PCDHGB3: variants seen among roughly 807,000 people sequenced by gnomAD.
PCDHGB3 encodes the protein protocadherin gamma subfamily B, 3.
A neutral mutation model predicts 59.2 loss-of-function variants in PCDHGB3; 40 were observed. That is an observed-to-expected ratio of 0.68 (90% confidence interval 0.52 to 0.88). The LOEUF (loss-of-function observed/expected upper bound fraction) is 0.88, where lower values mean the gene tolerates loss of function less well. PCDHGB3 is among the 40% of genes least tolerant of loss of function. The pLI, the probability that PCDHGB3 is intolerant of heterozygous loss-of-function variation, is 0.00. For missense variants in PCDHGB3, 1,309 were observed against 1,187.9 expected, an observed-to-expected ratio of 1.10 and a Z score of -1.50; for synonymous variants, 581 against 503.6, an observed-to-expected ratio of 1.15 and a Z score of -2.06.
chr5:141,374,191 C>G lies in PCDHGB3; in HGVS notation c.2415+1382C>G, dbSNP rs780279453. On this transcript the variant is annotated intron_variant, in intron 1 of 3. Coordinates refer to ENST00000576222, the MANE Select transcript of PCDHGB3 (RefSeq NM_018924.5). ...CAGCGCAGATCCGCTACTCTATTCC[C>G]GAGGAGCTGGAGAAAGGCTCCTTCG... The G allele has an allele frequency of 6.2e-6, 10 of 1,613,664 alleles. No homozygotes were observed. In the Admixed American group the frequency reaches 1.5e-4, roughly 24 times the overall value.
At position 141,493,412 on chromosome 5, in the gene PCDHGB3, G is replaced by A. The variant is rs1288041038; in HGVS notation, c.2416-1395G>A. Among the ~76,000 whole-genome samples, 3 of 152,114 alleles carry A rather than the reference G, an allele frequency of 2.0e-5. No individual in the cohort carries two copies. The highest frequency in any genetic ancestry group is 4.4e-5 in the Non-Finnish European group (3 of 68,024). On this transcript the variant is annotated intron_variant, in intron 1 of 3. Coordinates refer to ENST00000576222, the MANE Select transcript of PCDHGB3 (RefSeq NM_018924.5). This position sits in a 1 kb window ranked among gnomAD's most constrained non-coding sequence, Gnocchi z 4.3. ...CAGGAGAGGGGAGTTGCCTCTGCTG[G>A]GATTTTGCTTCTGCTGGGATGGGGC...
intron 1 of PCDHGB3, chr5:141,423,369 A>C: frequency 1.9e-6 from 3 of 1,614,104 alleles, no homozygotes; most frequent in Non-Finnish European, 2.5e-6. Flanking sequence ...TGCTGCTGGC[A>C]CTCAGGCTGT....
At chr5:141,404,102 T>C (rs1288980459) in intron 1 of PCDHGB3, 16 of 1,613,462 alleles carry the variant, frequency 9.9e-6, no homozygotes, top group Non-Finnish European at 8.5e-7. Context: ...TCAAGTTGTC[T>C]GTTCTATCCA....
chr5:141,373,916 A>C (rs1769959777), intron 1 of PCDHGB3: 2 of 648,756 alleles, frequency 3.1e-6, no homozygotes, highest in African/African-American at 3.7e-5. Flanking sequence ...ACAACAAAGC[A>C]AATTAGACGG....
chr5:141,381,826 C>CTTTTTTTTTTTTTTTTTTTTTTTTT (rs770630741), intron 1 of PCDHGB3, among the ~76,000 whole-genome samples: 4 of 74,290 alleles, frequency 5.4e-5, no homozygotes, highest in African/African-American at 1.2e-4. Context: ...CTTTCTTCTT[C>CTTTTTTTTTTTTTTTTTTTTTTTTT]TTTTTTTTTT....
Position 141,476,008 on chromosome 5 carries a change from G to T in PCDHGB3, c.2416-18799G>T. 1 of 1,282,144 alleles carries T rather than the reference G, an allele frequency of 7.8e-7. No homozygotes were observed. Among genetic ancestry groups the T allele is most frequent in the Non-Finnish European group, 1.1e-6 (1 of 935,996 alleles). 79.4% of individuals were successfully genotyped at this position (1,282,144 alleles called of 1,614,324 possible). On this transcript the variant is annotated intron_variant, in intron 1 of 3. Coordinates refer to ENST00000576222, the MANE Select transcript of PCDHGB3 (RefSeq NM_018924.5). This position sits in a 1 kb window ranked among gnomAD's most constrained non-coding sequence, Gnocchi z 7.6. ...CGAGCAAATCAACGGCATCCAGAAA[G>T]CCATGTCGGACTCGGCGCCCAGCGC... is the stretch of plus-strand genomic sequence containing the variant.
At chr5:141,401,391 T>C (rs923364219) in intron 1 of PCDHGB3, among the ~76,000 whole-genome samples, 1 of 152,140 alleles carries the variant, frequency 6.6e-6, no homozygotes, top group Non-Finnish European at 1.5e-5. Flanking sequence ...ATACTACATG[T>C]TATGTGTATG....
In PCDHGB3 at chr5:141,371,459, T is replaced by C; in HGVS notation, c.1065T>C (p.His355=). ...TAACCCTGGCTTCTGAATCCCAACA[T>C]ATACAAGAAGATGCTGAGCTGGGGA... ...PEITLASESQ[H]IQEDAELGTA... is the part of the protein sequence containing the mutation. The change falls in exon 1 of 4, where the codon CAT becomes CAC. Residue 355 remains histidine, a synonymous_variant. Transcript: ENST00000576222. 1 of 1,613,970 alleles carries C rather than the reference T, an allele frequency of 6.2e-7. No homozygotes were observed. The highest frequency in any genetic ancestry group is 8.5e-7 in the Non-Finnish European group (1 of 1,179,874).
chr5:141,371,424 G>GC lies in PCDHGB3; in HGVS notation c.1034dup (p.Glu346GlyfsTer7). 1 of 1,613,946 alleles carries GC rather than the reference G, an allele frequency of 6.2e-7. No homozygotes were observed. ...AGATATTTCAGATGAAAATGACAAT[G>GC]CCCCGGAGATAACCCTGGCTTCTGA... On this transcript the variant is annotated frameshift_variant, in exon 1 of 4. Transcript: ENST00000576222. LOFTEE classifies it high-confidence loss of function.
Position 141,490,754 on chromosome 5 carries a change from CCTT to C in PCDHGB3, c.2416-4052_2416-4050del, listed in dbSNP as rs775582875. ...CAGGTTCAGGGAGCCCCAGCCTCCT[CCTT>C]TGTGTATGTCAACCCAGAGGATGGA... On this transcript the variant is annotated intron_variant, in intron 1 of 3. Transcript: ENST00000576222. The surrounding 1 kb of genome is among the most constrained non-coding windows in gnomAD (Gnocchi z 5.4). 3.1e-6 allele frequency: 5 copies of C among 1,614,200 alleles called. No individual in the cohort carries two copies. The highest frequency in any genetic ancestry group is 3.4e-6 in the Non-Finnish European group (4 of 1,180,038).
chr5:141,412,569 T>C (rs1469611879), intron 1 of PCDHGB3: 3 of 152,228 alleles, frequency 2.0e-5, no homozygotes, highest in Admixed American at 6.5e-5. Flanking sequence ...GTTTATTTAA[T>C]ATAATCTTTG....
rs768509409 is a variant in PCDHGB3 at position 141,489,236 on chromosome 5, G to C, written c.2416-5571G>C. 1 of 1,531,176 alleles carries C rather than the reference G, an allele frequency of 6.5e-7. No homozygotes were observed. 94.8% of individuals were successfully genotyped at this position (1,531,176 alleles called of 1,614,324 possible). On this transcript the variant is annotated intron_variant, in intron 1 of 3. Transcript: ENST00000576222. The surrounding 1 kb of genome is among the most constrained non-coding windows in gnomAD (Gnocchi z 4.5). The stretch of plus-strand genomic sequence containing the variant: ...ACTTACTCTCCACAAAGGGACTTCT[G>C]GGTCATGGGGCCCAAGACACTCCCA...
At chr5:141,396,515 G>A (rs1162905890) in intron 1 of PCDHGB3, 3 of 152,048 alleles carry the variant, frequency 2.0e-5, no homozygotes, top group Non-Finnish European at 4.4e-5. Flanking sequence ...AGCTACTCGG[G>A]AGGCTGAGGC....
Position 141,371,815 on chromosome 5 carries a change from T to A in PCDHGB3, c.1421T>A (p.Val474Asp), listed in dbSNP as rs966835739. 6.2e-7 allele frequency: 1 copy of A among 1,613,856 alleles called. No individual in the cohort carries two copies. Among genetic ancestry groups the A allele is most frequent in the Non-Finnish European group, 8.5e-7 (1 of 1,179,892 alleles). ...CCGCCTGGAGCCTCCATTGCGCATG[T>A]CAGAGCCTCGGATCCCGACTTGGGA... is the stretch of plus-strand genomic sequence containing the variant. ...NNPPGASIAH[V>D]RASDPDLGPN... The change falls in exon 1 of 4, where the codon GTC becomes GAC. Residue 474 changes from valine (V) to aspartate (D), a missense_variant. Coordinates refer to ENST00000576222, the MANE Select transcript of PCDHGB3 (RefSeq NM_018924.5).
Position 141,427,844 on chromosome 5 carries a change from C to A in PCDHGB3, c.2415+55035C>A, listed in dbSNP as rs997069058. 6.5e-6 allele frequency: 10 copies of A among 1,550,194 alleles called. No homozygotes were observed. In the East Asian group the frequency reaches 2.2e-4, roughly 35 times the overall value. On this transcript the variant is annotated intron_variant, in intron 1 of 3. Transcript: ENST00000576222. ...TGGTCGCGCAGCGTGCCTTCGACCA[C>A]GAGCAGCTGTGCGCCTTCGAGCTCA...
At chr5:141,406,650 C>T (rs2094835563) in intron 1 of PCDHGB3, among the ~76,000 whole-genome samples, 1 of 152,130 alleles carries the variant, frequency 6.6e-6, no homozygotes, top group Non-Finnish European at 1.5e-5. Context: ...TTTCCTAATG[C>T]TTTAATGTTA....
At chr5:141,378,061 A>G (rs1285707649) in intron 1 of PCDHGB3, 4 of 152,212 alleles carry the variant, frequency 2.6e-5, no homozygotes, top group African/African-American at 9.7e-5. Flanking sequence ...TCTGACTCAA[A>G]TTCTAAGAAA....
chr5:141,403,717 G>GC (rs1561689685), intron 1 of PCDHGB3: 2 of 1,613,936 alleles, frequency 1.2e-6, no homozygotes, highest in South Asian at 2.2e-5. Flanking sequence ...TTGAGAACGT[G>GC]CCCCCAGGCA....
chr5:141,479,813 T>G (rs543146395), intron 1 of PCDHGB3, among the ~76,000 whole-genome samples: 1 of 152,318 alleles, frequency 6.6e-6, no homozygotes, highest in South Asian at 2.1e-4. Flanking sequence ...TATGCAAGGA[T>G]ACTATCCAAG....
Sources: gnomAD v4.1 joint callset for allele counts (sites outside exome capture counted in the v4.1 genomes callset) on GRCh38, gnomAD v4.1.1 for gene constraint, Gnocchi (gnomAD v3.1) non-coding constraint, MANE v1.5 for transcripts, NCBI Gene and HGNC (gene_info 2026-07-23, HGNC 2026-07-21) for gene names.